The following CD36 variants were observed in gnomAD, a reference collection of about 807,000 sequenced individuals.
CD36 encodes CD36 molecule (CD36 blood group).
In CD36, 119 loss-of-function variants were observed where a neutral mutation model predicts 55.2. That is an observed-to-expected ratio of 2.15 (90% CI 1.86 to 2.51). CD36 has a LOEUF of 2.51. CD36 is among the 30% of genes most tolerant of loss of function. CD36 has a pLI of 0.00. For missense variants in CD36, 819 were observed against 555.5 expected (o/e 1.47, Z -4.77); for synonymous variants, 186 against 193.6 (o/e 0.96, Z 0.33).
chr7:80,631,699 A>G, intron 1 of CD36, among the ~76,000 whole-genome samples: 1 of 151,824 alleles, frequency 6.6e-6, no homozygotes, highest in East Asian at 1.9e-4. Flanking sequence ...GCCACTTTTC[A>G]TTATCTGAAT....
At chr7:80,627,422 C>G (rs41364549) in intron 1 of CD36, among the ~76,000 whole-genome samples, 1 of 151,242 alleles carries the variant, frequency 6.6e-6, no homozygotes, top group Non-Finnish European at 1.5e-5. Flanking sequence ...CTTAAGCCTC[C>G]AATTAGTACA....
intron 8 of CD36, among the ~76,000 whole-genome samples, chr7:80,667,133 A>G (rs1038229269): frequency 6.6e-6 from 1 of 152,170 alleles, no homozygotes; most frequent in Admixed American, 6.6e-5. Context: ...AAGATTTTTA[A>G]AAAGCAATGG....
upstream of CD36, among the ~76,000 whole-genome samples, chr7:80,638,184 G>C: frequency 6.6e-6 from 1 of 151,840 alleles, no homozygotes; most frequent in Admixed American, 6.6e-5. Flanking sequence ...CAGTATTTCA[G>C]AATTACGCTG....
chr7:80,630,875 C>T (rs543636699), intron 1 of CD36, among the ~76,000 whole-genome samples: 1 of 151,978 alleles, frequency 6.6e-6, no homozygotes, highest in Non-Finnish European at 1.5e-5. Context: ...CACGAAAGCA[C>T]AGTGTGGTTA....
At chr7:80,665,100 C>CAAG (rs1294639981) in intron 7 of CD36, among the ~76,000 whole-genome samples, 1 of 151,924 alleles carries the variant, frequency 6.6e-6, no homozygotes, top group African/African-American at 2.4e-5. Context: ...ATGAATATTT[C>CAAG]AAGTGCAGTT....
chr7:80,631,295 A>G (rs1794060665), intron 1 of CD36, among the ~76,000 whole-genome samples: 1 of 152,066 alleles, frequency 6.6e-6, no homozygotes. Flanking sequence ...AGACACTTTC[A>G]TAAAGGCAGG....
intron 1 of CD36, among the ~76,000 whole-genome samples, chr7:80,645,098 G>A (rs62461724): frequency 0.29 from 43,272 of 149,206 alleles, 7,088 homozygotes; most frequent in South Asian, 0.44. Flanking sequence ...TCGGCTCACC[G>A]CAACCTCCGC....
chr7:80,666,346 C>T, intron 7 of CD36, 97 bp from the exon 8 acceptor site: 1 of 800,668 alleles, frequency 1.2e-6, no homozygotes, highest in Non-Finnish European at 2.1e-6. Context: ...TTAAATGCAT[C>T]ATATTAACAG....
chr7:80,609,414 C>T (rs1005959962), intron 1 of CD36, among the ~76,000 whole-genome samples: 1 of 152,204 alleles, frequency 6.6e-6, no homozygotes, highest in Non-Finnish European at 1.5e-5. Flanking sequence ...ACTTCCTCCA[C>T]CACTGTCCTT....
chr7:80,669,870 G>A, intron 8 of CD36, 83 bp from the exon 9 acceptor site: 1 of 902,252 alleles, frequency 1.1e-6, no homozygotes, highest in Middle Eastern at 2.1e-4. Context: ...ACATTTCTAT[G>A]GACTACACTG....
chr7:80,667,747 G>GTTTTTTTTTTT lies in CD36; in HGVS notation c.748+1269_748+1279dup, dbSNP rs1165767460. On this transcript the variant is annotated intron_variant, in intron 8 of 14. Coordinates refer to ENST00000447544, the MANE Select transcript of CD36 (RefSeq NM_001001548.3). ...GTTGGATTTGCAGGGGTTTTCTTTT[G>GTTTTTTTTTTT]TTTTTTTTTTTTTTTTTTTTTGAGA... Among the ~76,000 whole-genome samples, 123 of 82,576 alleles carry GTTTTTTTTTTT rather than the reference G, an allele frequency of 1.5e-3. 2 individuals carry two copies. Among genetic ancestry groups the GTTTTTTTTTTT allele is most frequent in the South Asian group, 2.4e-3 (5 of 2,076 alleles). The allele number at this position is 82,576 out of a possible 152,430, so 54.2% of individuals were successfully genotyped here.
In CD36 at chr7:80,656,603, T is replaced by G; in HGVS notation, c.184T>G (p.Tyr62Asp). The G allele has an allele frequency of 6.2e-7, 1 of 1,613,808 alleles. No individual in the cohort carries two copies. The highest frequency in any genetic ancestry group is 8.5e-7 in the Non-Finnish European group (1 of 1,179,812). ...KNWVKTGTEV[Y>D]RQFWIFDVQN... ...TTGGGTTAAAACAGGCACAGAAGTTTACAGACAGTTTTGGATCTTTGATGT... is the reference window on the plus strand; with the variant it reads ...TTGGGTTAAAACAGGCACAGAAGTTGACAGACAGTTTTGGATCTTTGATGT... Residue 62 changes from tyrosine (Y) to aspartate (D), a missense_variant, in exon 4 of 15, where the codon TAC becomes GAC. By Grantham distance (160) the Tyr-to-Asp change is radical (BLOSUM62 -3). Coordinates refer to ENST00000447544, the MANE Select transcript of CD36 (RefSeq NM_001001548.3).
chr7:80,674,871 T>C (rs1340600379), intron 14 of CD36, among the ~76,000 whole-genome samples: 4 of 152,120 alleles, frequency 2.6e-5, no homozygotes, highest in Non-Finnish European at 5.9e-5. Context: ...ATTTAGTTGT[T>C]TACTGTGTGC....
At chr7:80,669,665 T>G (rs903598138) in intron 8 of CD36, among the ~76,000 whole-genome samples, 1 of 151,976 alleles carries the variant, frequency 6.6e-6, no homozygotes. Flanking sequence ...CCAGCTAATT[T>G]TGTGTATTTT....
At chr7:80,641,994 G>A (rs1455093285) in intron 1 of CD36, among the ~76,000 whole-genome samples, 2 of 151,762 alleles carry the variant, frequency 1.3e-5, no homozygotes, top group Non-Finnish European at 2.9e-5. Flanking sequence ...ATGACCCAAC[G>A]GAATAGGGTC....
At chr7:80,655,444 G>A (rs1054447016) in intron 3 of CD36, among the ~76,000 whole-genome samples, 17 of 152,116 alleles carry the variant, frequency 1.1e-4, no homozygotes, top group African/African-American at 4.1e-4. Context: ...GCAAGGAATC[G>A]AGTTCCTAAT....
intron 3 of CD36, among the ~76,000 whole-genome samples, chr7:80,651,167 T>C (rs1359018698): frequency 1.3e-5 from 2 of 152,068 alleles, no homozygotes; most frequent in Non-Finnish European, 2.9e-5. Context: ...TTCTCACTTG[T>C]AAGTAGGAGC....
intron 3 of CD36, among the ~76,000 whole-genome samples, chr7:80,655,290 C>T (rs1346138808): frequency 6.6e-6 from 1 of 151,732 alleles, no homozygotes; most frequent in African/African-American, 2.4e-5. Context: ...CTATCTACTA[C>T]AGCGTAATAG....
Position 80,674,034 on chromosome 7 carries a change from G to C in CD36, c.1306G>C (p.Gly436Arg), listed in dbSNP as rs1803256. The change falls in exon 14 of 15, where the codon GGA (glycine) becomes CGA (arginine). Residue 436 changes from glycine (G) to arginine (R), a missense_variant. Physicochemically the swap from Gly to Arg is moderately radical, Grantham distance 125. Coordinates refer to ENST00000447544, the MANE Select transcript of CD36 (RefSeq NM_001001548.3). ...KANMFRSQVT[G>R]KINLLGLIEM... ...AAACATGTTCAGAAGTCAAGTAACT[G>C]GAAAAATAAACCTCCTTGGCCTGAT... 6.2e-7 allele frequency: 1 copy of C among 1,612,124 alleles called. No individual in the cohort carries two copies.
Sources: gnomAD v4.1 joint callset for allele counts (sites outside exome capture counted in the v4.1 genomes callset) on GRCh38, gnomAD v4.1.1 for gene constraint, MANE v1.5 for transcripts, NCBI Gene and HGNC (gene_info 2026-07-23, HGNC 2026-07-21) for gene names.